Variants in GNAL observed in about 807,000 individuals in gnomAD.
GNAL encodes G protein subunit alpha L.
GNAL carries 18 observed loss-of-function variants against 55.1 expected under a neutral mutation model. The observed-to-expected ratio is 0.33, with a 90% CI of 0.23 to 0.48. The LOEUF (loss-of-function observed/expected upper bound fraction) is 0.48, where lower values mean the gene tolerates loss of function less well. GNAL is among the 20% of genes least tolerant of loss of function. The pLI, the probability that GNAL is intolerant of heterozygous loss-of-function variation, is 0.99. For missense variants in GNAL, 412 were observed against 614.1 expected (o/e 0.67, Z 3.48); for synonymous variants, 253 against 237.0 (o/e 1.07, Z -0.62).
At chr18:11,842,818 C>T (rs1281175366) in intron 5 of GNAL, among the ~76,000 whole-genome samples, 2 of 152,180 alleles carry the variant, frequency 1.3e-5, no homozygotes, top group East Asian at 3.9e-4. Flanking sequence ...GTTTGGAGAC[C>T]CCTGACTTAG....
At chr18:11,832,763 G>A (rs981308661) in intron 5 of GNAL, among the ~76,000 whole-genome samples, 1 of 151,860 alleles carries the variant, frequency 6.6e-6, no homozygotes, top group African/African-American at 2.4e-5. Context: ...GGGAGGCTGA[G>A]GCAGGAGAAT....
chr18:11,862,498 A>G (rs754451364), intron 6 of GNAL, 49 bp downstream of exon 6: 27 of 1,301,548 alleles, frequency 2.1e-5, no homozygotes, highest in Non-Finnish European at 2.9e-5. Flanking sequence ...TTTGAGATTC[A>G]TTTCCAATAT....
At chr18:11,844,926 T>G (rs935009868) in intron 5 of GNAL, among the ~76,000 whole-genome samples, 2 of 152,192 alleles carry the variant, frequency 1.3e-5, no homozygotes, top group Admixed American at 1.3e-4. Flanking sequence ...AGTGCAATGA[T>G]GTGATCTTGG....
intron 1 of GNAL, among the ~76,000 whole-genome samples, chr18:11,700,536 C>T (rs537628147): frequency 2.8e-4 from 43 of 152,316 alleles, no homozygotes; most frequent in Non-Finnish European, 2.9e-4. Context: ...ACTGAAGGCA[C>T]GAGTTAGGGA....
intron 4 of GNAL, among the ~76,000 whole-genome samples, chr18:11,799,287 A>G (rs2034462849): frequency 6.6e-6 from 1 of 152,140 alleles, no homozygotes; most frequent in African/African-American, 2.4e-5. Flanking sequence ...GCCCAGAAGC[A>G]CTGTGAGTAC....
chr18:11,759,270 G>A (rs1204359606), intron 4 of GNAL, among the ~76,000 whole-genome samples: 1 of 152,154 alleles, frequency 6.6e-6, no homozygotes, highest in African/African-American at 2.4e-5. Flanking sequence ...AATCACTGTT[G>A]AATTCAATTG....
chr18:11,761,299 C>T (rs2033234795), intron 4 of GNAL, among the ~76,000 whole-genome samples: 1 of 152,192 alleles, frequency 6.6e-6, no homozygotes, highest in African/African-American at 2.4e-5. Flanking sequence ...GAAGGCACCC[C>T]TAGTTTTCCC....
chr18:11,835,552 C>T (rs1029300627), intron 5 of GNAL, among the ~76,000 whole-genome samples: 1 of 151,758 alleles, frequency 6.6e-6, no homozygotes, highest in African/African-American at 2.4e-5. Context: ...AAAATTATTT[C>T]TAATTTATTT....
At chr18:11,816,928 T>C (rs912209542) in intron 4 of GNAL, among the ~76,000 whole-genome samples, 1 of 151,932 alleles carries the variant, frequency 6.6e-6, no homozygotes, top group African/African-American at 2.4e-5. Flanking sequence ...TTTATTTACA[T>C]GAAGTTTCTA....
At chr18:11,799,938 T>C (rs2034480939) in intron 4 of GNAL, among the ~76,000 whole-genome samples, 1 of 152,128 alleles carries the variant, frequency 6.6e-6, no homozygotes, top group Non-Finnish European at 1.5e-5. Flanking sequence ...TCCCTCCCCC[T>C]GTACGTGTCC....
chr18:11,841,659 A>AAG (rs1555612587), intron 5 of GNAL, among the ~76,000 whole-genome samples: 16 of 149,520 alleles, frequency 1.1e-4, no homozygotes, highest in African/African-American at 3.0e-4. Flanking sequence ...AAAAAAAAAA[A>AAG]AAAGAAAGAA....
intron 4 of GNAL, among the ~76,000 whole-genome samples, chr18:11,793,036 A>G (rs1430542889): frequency 6.6e-6 from 1 of 152,268 alleles, no homozygotes; most frequent in Non-Finnish European, 1.5e-5. Flanking sequence ...AAGTAGATCA[A>G]TCACCTAAAT....
At chr18:11,844,605 G>A (rs1294881824) in intron 5 of GNAL, among the ~76,000 whole-genome samples, 1 of 152,074 alleles carries the variant, frequency 6.6e-6, no homozygotes, top group African/African-American at 2.4e-5. Flanking sequence ...TCAATTAAGG[G>A]TACGAGTGAG....
chr18:11,863,029 C>T (rs2036183648), intron 6 of GNAL, among the ~76,000 whole-genome samples: 1 of 152,094 alleles, frequency 6.6e-6, no homozygotes, highest in Non-Finnish European at 1.5e-5. Context: ...CAGGTGCTTG[C>T]CACCTCGCCC....
chr18:11,794,052 A>G (rs58144032), intron 4 of GNAL, among the ~76,000 whole-genome samples: 13,092 of 152,270 alleles, frequency 0.086, 995 homozygotes, highest in African/African-American at 0.2. Flanking sequence ...ATGGGGTGCC[A>G]CTTCACACCC....
intron 1 of GNAL, among the ~76,000 whole-genome samples, chr18:11,750,097 G>C (rs567522766): frequency 2.0e-4 from 31 of 152,328 alleles, no homozygotes; most frequent in African/African-American, 7.2e-4. Context: ...AGCAGTGGCA[G>C]ACGCCACGGA....
At chr18:11,775,119 C>T (rs913596839) in intron 4 of GNAL, among the ~76,000 whole-genome samples, 1 of 152,220 alleles carries the variant, frequency 6.6e-6, no homozygotes, top group African/African-American at 2.4e-5. Context: ...TCCTGATTTA[C>T]TGAAGACAGC....
chr18:11,701,697 C>T (rs1278423829), intron 1 of GNAL, among the ~76,000 whole-genome samples: 1 of 151,982 alleles, frequency 6.6e-6, no homozygotes, highest in African/African-American at 2.4e-5. Context: ...GCTGAAAGAA[C>T]CCAGAAGCAC....
At chr18:11,775,420 C>A (rs1464912824) in intron 4 of GNAL, among the ~76,000 whole-genome samples, 1 of 152,254 alleles carries the variant, frequency 6.6e-6, no homozygotes, top group East Asian at 1.9e-4. Context: ...AATCCACACA[C>A]ATGCACGCCC....
Sources: allele counts gnomAD v4.1 joint callset (sites outside exome capture counted in the v4.1 genomes callset), GRCh38; gene constraint gnomAD v4.1.1; transcripts MANE v1.5; gene names NCBI Gene and HGNC (gene_info 2026-07-23, HGNC 2026-07-21).